The following TENM2 variants were observed in gnomAD, a reference collection of about 807,000 sequenced individuals.
The protein encoded by TENM2 is teneurin-2.
Under a neutral mutation model 245.2 loss-of-function variants are expected in TENM2, and 52 were observed. The ratio of observed to expected loss-of-function variants is 0.21; its 90% CI spans 0.17 to 0.27. The LOEUF is 0.27. Among genes scored for constraint, TENM2 ranks in the 10% least tolerant of loss-of-function variants. The pLI is 1.00. For missense variants in TENM2, 3,046 were observed against 3,666.8 expected (o/e 0.83, Z 4.37); for synonymous variants, 1,363 against 1,438.9 (o/e 0.95, Z 1.19).
chr5:167,875,833 C>G (rs1773371901), intron 2 of TENM2, among the ~76,000 whole-genome samples, 153 bp from the exon 5 acceptor site: 1 of 151,472 alleles, frequency 6.6e-6, no homozygotes, highest in African/African-American at 2.4e-5. Context: ...GGAGAAACAT[C>G]AAACCACTCT....
chr5:167,830,706 A>G, intron 2 of TENM2, among the ~76,000 whole-genome samples: 2 of 152,342 alleles, frequency 1.3e-5, no homozygotes, highest in South Asian at 2.1e-4. Context: ...GAAGCAGTTA[A>G]GAAAACTATG....
At chr5:167,344,714 G>T (rs1339834682) in intron 1 of TENM2, among the ~76,000 whole-genome samples, 1 of 152,072 alleles carries the variant, frequency 6.6e-6, no homozygotes, top group Non-Finnish European at 1.5e-5. Flanking sequence ...TCTGATTCTT[G>T]GGATTGGTGA....
chr5:167,050,163 G>T, the TENM2 span, among the ~76,000 whole-genome samples: 2 of 152,160 alleles, frequency 1.3e-5, no homozygotes, highest in African/African-American at 2.4e-5. Flanking sequence ...CTGCGGACTG[G>T]TGTTGGTCCA....
chr5:168,086,456 G>T (rs1252129023), intron 7 of TENM2, among the ~76,000 whole-genome samples: 1 of 152,198 alleles, frequency 6.6e-6, no homozygotes, highest in East Asian at 1.9e-4. Context: ...GCCAACGTGG[G>T]TTATTTTTCA....
chr5:167,819,440 T>C (rs1166255983), intron 2 of TENM2, among the ~76,000 whole-genome samples: 1 of 152,158 alleles, frequency 6.6e-6, no homozygotes, highest in Non-Finnish European at 1.5e-5. Flanking sequence ...GATGAGACAA[T>C]TGACTTTCCC....
chr5:168,125,059 CA>C lies in TENM2; in HGVS notation c.2209+11del. On this transcript the variant is annotated intron_variant, in intron 11 of 28. Coordinates refer to ENST00000518659, the Ensembl canonical transcript of TENM2. ...TCCCGACTGCTCTGTTGGTAAGCCA[CA>C]AGGTTTTCTCCTTCCTCTCTCCAAC... The C allele has an allele frequency of 6.2e-7, 1 of 1,600,408 alleles. No individual in the cohort carries two copies. Among genetic ancestry groups the C allele is most frequent in the South Asian group, 1.1e-5 (1 of 88,226 alleles).
intron 9 of TENM2, among the ~76,000 whole-genome samples, chr5:168,102,801 A>G (rs867383918): frequency 6.6e-6 from 1 of 152,218 alleles, no homozygotes; most frequent in South Asian, 2.1e-4. Context: ...GCTTTTAAGT[A>G]CTCAATATGC....
the TENM2 span, among the ~76,000 whole-genome samples, chr5:167,163,603 C>A: frequency 6.6e-6 from 1 of 152,146 alleles, no homozygotes; most frequent in Admixed American, 6.5e-5. Flanking sequence ...TCGGTTTTAA[C>A]ACTTTCACCA....
At chr5:167,959,555 A>G (rs537013861) in intron 4 of TENM2, among the ~76,000 whole-genome samples, 5 of 152,054 alleles carry the variant, frequency 3.3e-5, no homozygotes, top group Non-Finnish European at 7.4e-5. Context: ...CCCTCAGGTC[A>G]CTTATGTTCT....
chr5:167,904,972 T>C (rs1290002024), intron 3 of TENM2, among the ~76,000 whole-genome samples: 1 of 152,252 alleles, frequency 6.6e-6, no homozygotes, highest in African/African-American at 2.4e-5. Flanking sequence ...TGGACAACTC[T>C]TTAAGCTTCA....
chr5:167,759,849 C>G (rs1306725362), intron 2 of TENM2, among the ~76,000 whole-genome samples: 5 of 152,280 alleles, frequency 3.3e-5, no homozygotes, highest in African/African-American at 1.2e-4. Context: ...TGCTGACAAA[C>G]CCCACCTGGA....
chr5:168,165,640 C>G (rs1265168222), intron 13 of TENM2, among the ~76,000 whole-genome samples: 1 of 10,374 alleles, frequency 9.6e-5, no homozygotes, highest in African/African-American at 6.7e-4. Flanking sequence ...TTCAGGATCC[C>G]CCCCCCAACC....
chr5:167,820,431 C>T (rs1008805452), intron 2 of TENM2, among the ~76,000 whole-genome samples: 12 of 152,160 alleles, frequency 7.9e-5, no homozygotes, highest in African/African-American at 1.2e-4. Context: ...TCCCGGCTCC[C>T]GGCACAGCCT....
At chr5:167,691,082 A>G (rs1757406938) in intron 2 of TENM2, among the ~76,000 whole-genome samples, 1 of 152,080 alleles carries the variant, frequency 6.6e-6, no homozygotes, top group African/African-American at 2.4e-5. Context: ...TCTAATGAAA[A>G]TGTTCTGGAG....
At chr5:168,232,452 T>G (rs1341529835) in intron 25 of TENM2, 1 of 152,186 alleles carries the variant, frequency 6.6e-6, no homozygotes, top group Non-Finnish European at 1.5e-5. Flanking sequence ...CCTCTTGGAA[T>G]GGAGAAGAAA....
In TENM2 at chr5:167,826,034, T is replaced by G. The variant is rs1767947692; in HGVS notation, c.503-49952T>G. ...AACACGTCGTGTACCTGTACCTTTC[T>G]CTCCACCCCAAGCTGCTCCAGTTGT... On this transcript the variant is annotated intron_variant, in intron 2 of 28. Coordinates refer to ENST00000518659, the Ensembl canonical transcript of TENM2. 2.0e-5 allele frequency among the ~76,000 whole-genome samples: 3 copies of G among 151,868 alleles called. No individual in the cohort carries two copies. In the South Asian group the frequency reaches 6.3e-4, roughly 32 times the overall value.
intron 7 of TENM2, among the ~76,000 whole-genome samples, chr5:168,078,206 G>T (rs1044884978): frequency 4.6e-5 from 7 of 152,070 alleles, no homozygotes; most frequent in East Asian, 3.9e-4. Context: ...TCATGTGTCT[G>T]TTGGCTGCAT....
At chr5:167,907,906 G>T (rs1776235070) in intron 3 of TENM2, among the ~76,000 whole-genome samples, 1 of 151,862 alleles carries the variant, frequency 6.6e-6, no homozygotes, top group Non-Finnish European at 1.5e-5. Flanking sequence ...ATCTGATAGA[G>T]CTGATGACAT....
chr5:167,996,486 G>A (rs2152025633), intron 5 of TENM2, among the ~76,000 whole-genome samples: 1 of 152,286 alleles, frequency 6.6e-6, no homozygotes, highest in Middle Eastern at 3.4e-3. Context: ...TCTGTGAAAT[G>A]CAAGAGACTT....
Sources: gnomAD v4.1 joint callset for allele counts (sites outside exome capture counted in the v4.1 genomes callset) on GRCh38, gnomAD v4.1.1 for gene constraint, MANE v1.5 for transcripts, NCBI Gene and HGNC (gene_info 2026-07-23, HGNC 2026-07-21) for gene names.